The following RPS6KA5 variants were observed in gnomAD, a reference collection of about 807,000 sequenced individuals.
RPS6KA5 encodes the protein ribosomal protein S6 kinase alpha-5.
RPS6KA5 carries 27 observed loss-of-function variants against 85.5 expected under a neutral mutation model. That is an observed-to-expected ratio of 0.32 (90% CI 0.23 to 0.44). RPS6KA5 has a LOEUF of 0.44. Among genes scored for constraint, RPS6KA5 ranks in the 20% least tolerant of loss-of-function variants. The pLI, the probability that RPS6KA5 is intolerant of heterozygous loss-of-function variation, is 1.00. For missense variants in RPS6KA5, 811 were observed against 980.9 expected (o/e 0.83, Z 2.31); for synonymous variants, 334 against 348.2 (o/e 0.96, Z 0.46).
chr14:91,013,714 G>T (rs2041360226), intron 1 of RPS6KA5, among the ~76,000 whole-genome samples: 1 of 152,198 alleles, frequency 6.6e-6, no homozygotes, highest in African/African-American at 2.4e-5. Context: ...ATTTTAAGGA[G>T]AAGATTATCA....
intron 3 of RPS6KA5, among the ~76,000 whole-genome samples, chr14:90,953,372 AG>A: frequency 6.6e-6 from 1 of 152,322 alleles, no homozygotes; most frequent in South Asian, 2.1e-4. Flanking sequence ...TTGTAAGATG[AG>A]GATGTACATC....
chr14:90,953,183 A>C (rs535567828), intron 3 of RPS6KA5, among the ~76,000 whole-genome samples: 1 of 152,346 alleles, frequency 6.6e-6, no homozygotes, highest in South Asian at 2.1e-4. Flanking sequence ...ATTTCATTTT[A>C]ATATGGACAT....
chr14:90,873,866 A>C, intron 15 of RPS6KA5, 71 bp from the exon 16 acceptor site: 1 of 1,337,216 alleles, frequency 7.5e-7, no homozygotes, highest in South Asian at 1.3e-5. Context: ...CTCAGAAATA[A>C]ATCTCAGCTA....
At position 90,890,770 on chromosome 14, in the gene RPS6KA5, T is replaced by C. The variant is rs112126595; in HGVS notation, c.1645-92A>G. The stretch of plus-strand genomic sequence containing the variant: ...ATGTAACACTTTGTATATTGATAGT[T>C]GATTCATGTGCAGAGAGGTCTCATG... On this transcript the variant is annotated intron_variant, in intron 13 of 16. Coordinates refer to ENST00000614987, the MANE Select transcript of RPS6KA5 (RefSeq NM_004755.4). 5 of 1,173,242 alleles carry C rather than the reference T, an allele frequency of 4.3e-6. No homozygotes were observed. In the Admixed American group the frequency reaches 6.2e-5, roughly 14 times the overall value. The allele number at this position is 1,173,242 out of a possible 1,614,324, so 72.7% of individuals were successfully genotyped here. A position where few individuals can be genotyped will look rare whatever the true frequency, so the allele number is the denominator to read the frequency against.
chr14:91,041,721 G>A (rs2042611578), intron 1 of RPS6KA5, among the ~76,000 whole-genome samples: 1 of 151,816 alleles, frequency 6.6e-6, no homozygotes, highest in South Asian at 2.1e-4. Context: ...GCATTCTGCT[G>A]GAGGCAGAAC....
chr14:90,972,429 C>A (rs926718075), intron 3 of RPS6KA5, among the ~76,000 whole-genome samples: 1 of 151,944 alleles, frequency 6.6e-6, no homozygotes, highest in Non-Finnish European at 1.5e-5. Context: ...CTTAACAAAC[C>A]AAACAGAAAA....
At chr14:91,052,660 T>C (rs1180707646) in intron 1 of RPS6KA5, among the ~76,000 whole-genome samples, 1 of 134,294 alleles carries the variant, frequency 7.4e-6, no homozygotes, top group Admixed American at 7.5e-5. Context: ...CCGTCTCTAC[T>C]AAAAGTACAA....
At chr14:90,965,338 C>T (rs899828244) in intron 3 of RPS6KA5, among the ~76,000 whole-genome samples, 10 of 152,096 alleles carry the variant, frequency 6.6e-5, no homozygotes, top group African/African-American at 2.4e-4. Context: ...CGCACCATGG[C>T]ACTACAGCCT....
intron 7 of RPS6KA5, among the ~76,000 whole-genome samples, chr14:90,912,985 A>C (rs1020345196): frequency 3.1e-5 from 4 of 129,214 alleles, no homozygotes; most frequent in African/African-American, 1.2e-4. Context: ...ATCTTGGCTC[A>C]CTGCAACCTC....
At chr14:90,981,894 G>A (rs1165090438) in intron 2 of RPS6KA5, among the ~76,000 whole-genome samples, 1 of 152,194 alleles carries the variant, frequency 6.6e-6, no homozygotes, top group Non-Finnish European at 1.5e-5. Context: ...AAACAGTTTT[G>A]TTTTTGAAGC....
chr14:90,941,002 G>A (rs1455068614), intron 5 of RPS6KA5, among the ~76,000 whole-genome samples: 1 of 152,136 alleles, frequency 6.6e-6, no homozygotes, highest in African/African-American at 2.4e-5. Flanking sequence ...GTTGGGGACT[G>A]CTGATCTAGC....
chr14:90,979,333 A>G (rs2039697987), intron 2 of RPS6KA5, among the ~76,000 whole-genome samples: 1 of 152,248 alleles, frequency 6.6e-6, no homozygotes, highest in South Asian at 2.1e-4. Context: ...ACAAAAAAAC[A>G]AAAACACTTT....
chr14:90,911,266 T>C (rs1186285019), intron 7 of RPS6KA5: 1 of 152,210 alleles, frequency 6.6e-6, no homozygotes, highest in Non-Finnish European at 1.5e-5. Flanking sequence ...AAATATTTAG[T>C]GAATAAATAA....
chr14:91,041,739 T>C (rs979000535), intron 1 of RPS6KA5, among the ~76,000 whole-genome samples: 5 of 152,242 alleles, frequency 3.3e-5, no homozygotes, highest in African/African-American at 1.2e-4. Context: ...AACCAAGTTA[T>C]ATTTAATATC....
chr14:91,031,066 T>C (rs1293371799), intron 1 of RPS6KA5, among the ~76,000 whole-genome samples: 1 of 152,050 alleles, frequency 6.6e-6, no homozygotes, highest in Non-Finnish European at 1.5e-5. Context: ...AAAATATAAA[T>C]GTAAAATTCC....
At chr14:90,907,492 C>G (rs1418268179) in intron 7 of RPS6KA5, among the ~76,000 whole-genome samples, 1 of 152,144 alleles carries the variant, frequency 6.6e-6, no homozygotes, top group African/African-American at 2.4e-5. Flanking sequence ...AATGCTCAAT[C>G]AATGTGAGCT....
chr14:91,038,988 C>T (rs1259364305), intron 1 of RPS6KA5, among the ~76,000 whole-genome samples: 1 of 152,090 alleles, frequency 6.6e-6, no homozygotes, highest in Non-Finnish European at 1.5e-5. Flanking sequence ...CACAGTGTAC[C>T]CTGCATTGAT....
At chr14:91,006,732 C>CT (rs896718953) in intron 1 of RPS6KA5, among the ~76,000 whole-genome samples, 19 of 151,576 alleles carry the variant, frequency 1.3e-4, no homozygotes, top group Admixed American at 5.3e-4. Context: ...CCATTCTAAC[C>CT]TTTTTTTTTA....
intron 7 of RPS6KA5, among the ~76,000 whole-genome samples, chr14:90,907,761 A>G (rs1413867957): frequency 6.6e-6 from 1 of 152,112 alleles, no homozygotes; most frequent in East Asian, 1.9e-4. Context: ...ATACTCTCCC[A>G]TTGCTCACTG....
Sources: allele counts gnomAD v4.1 joint callset (sites outside exome capture counted in the v4.1 genomes callset), GRCh38; gene constraint gnomAD v4.1.1; transcripts MANE v1.5; gene names NCBI Gene and HGNC (gene_info 2026-07-23, HGNC 2026-07-21).